The following CDKAL1 variants were observed in gnomAD, a reference collection of about 807,000 sequenced individuals.
CDKAL1 encodes threonylcarbamoyladenosine tRNA methylthiotransferase.
Under a neutral mutation model 68.2 loss-of-function variants are expected in CDKAL1, and 32 were observed. The observed-to-expected ratio is 0.47, with a 90% CI of 0.35 to 0.63. CDKAL1 has a LOEUF of 0.63. Among genes scored for constraint, CDKAL1 ranks in the 30% least tolerant of loss-of-function variants. The pLI is 0.00. For synonymous variants in CDKAL1, 234 were observed against 244.3 expected (o/e 0.96, Z 0.39); for missense variants, 606 against 696.7 (o/e 0.87, Z 1.47).
At chr6:21,156,539 T>C (rs1201608994) in intron 13 of CDKAL1, among the ~76,000 whole-genome samples, 1 of 152,184 alleles carries the variant, frequency 6.6e-6, no homozygotes, top group Non-Finnish European at 1.5e-5. Flanking sequence ...TCTATATTTT[T>C]GAAAATTTCT....
At chr6:20,634,977 C>CAAAAAAAAAAAAAAA (rs142659533) in intron 4 of CDKAL1, among the ~76,000 whole-genome samples, 1 of 99,854 alleles carries the variant, frequency 1.0e-5, no homozygotes, top group Non-Finnish European at 2.0e-5. Context: ...AACCCCGTCT[C>CAAAAAAAAAAAAAAA]AAAAAAAAAA....
intron 13 of CDKAL1, among the ~76,000 whole-genome samples, chr6:21,166,231 AT>A (rs1777146435): frequency 6.6e-6 from 1 of 152,136 alleles, no homozygotes; most frequent in South Asian, 2.1e-4. Flanking sequence ...AGATAACTTC[AT>A]GTAGTTTTTC....
At chr6:20,994,552 T>C (rs1378894967) in intron 10 of CDKAL1, among the ~76,000 whole-genome samples, 9 of 152,184 alleles carry the variant, frequency 5.9e-5, no homozygotes, top group Non-Finnish European at 1.3e-4. Context: ...ATATAATCCA[T>C]GATGGGGCTA....
chr6:20,961,134 G>T (rs909772503), intron 10 of CDKAL1, among the ~76,000 whole-genome samples: 1 of 152,106 alleles, frequency 6.6e-6, no homozygotes, highest in South Asian at 2.1e-4. Context: ...TAAGACACAT[G>T]CATGCATATG....
At chr6:21,175,411 CCT>C (rs1445852993) in intron 13 of CDKAL1, among the ~76,000 whole-genome samples, 1 of 152,150 alleles carries the variant, frequency 6.6e-6, no homozygotes, top group African/African-American at 2.4e-5. Flanking sequence ...GCTGCTCACC[CCT>C]CTTTGTTGAA....
At chr6:20,610,982 G>C (rs1766593972) in intron 4 of CDKAL1, among the ~76,000 whole-genome samples, 1 of 152,102 alleles carries the variant, frequency 6.6e-6, no homozygotes, top group Non-Finnish European at 1.5e-5. Flanking sequence ...ACTAGAATGG[G>C]TCTAAATGTT....
At chr6:20,677,902 AT>A (rs898638920) in intron 5 of CDKAL1, among the ~76,000 whole-genome samples, 2 of 152,130 alleles carry the variant, frequency 1.3e-5, no homozygotes, top group Admixed American at 6.5e-5. Context: ...AGCTGCTTAA[AT>A]TTTTTTATTT....
chr6:20,618,504 A>G (rs1442428744), intron 4 of CDKAL1, among the ~76,000 whole-genome samples: 1 of 152,178 alleles, frequency 6.6e-6, no homozygotes, highest in Non-Finnish European at 1.5e-5. Flanking sequence ...TATGTCCTGA[A>G]TGATATTGCC....
intron 13 of CDKAL1, among the ~76,000 whole-genome samples, chr6:21,114,880 T>G (rs995790110): frequency 2.0e-5 from 3 of 152,240 alleles, no homozygotes; most frequent in African/African-American, 7.2e-5. Context: ...ATTTCAATAA[T>G]CACACTTCCT....
intron 9 of CDKAL1, among the ~76,000 whole-genome samples, chr6:20,868,301 A>T (rs1489942985): frequency 6.6e-6 from 1 of 152,204 alleles, no homozygotes; most frequent in Admixed American, 6.5e-5. Context: ...GACTCCATTG[A>T]TAACACTAAA....
At chr6:20,815,754 C>CAT (rs1312731192) in intron 8 of CDKAL1, among the ~76,000 whole-genome samples, 2 of 152,062 alleles carry the variant, frequency 1.3e-5, no homozygotes, top group African/African-American at 4.8e-5. Context: ...CCAGAGATAA[C>CAT]CACTGTTAAC....
chr6:20,919,700 G>A lies in CDKAL1; in HGVS notation c.743-35719G>A, dbSNP rs1389620991. On this transcript the variant is annotated intron_variant, in intron 9 of 15. Transcript: ENST00000274695. ...TTTGGTATTAGCAATTTATAATCCT[G>A]TACAATGGGCATGATTGGTATTTTT... Among the ~76,000 whole-genome samples the A allele has an allele frequency of 2.0e-5, 3 of 152,240 alleles. No homozygotes were observed. The East Asian group carries it at 5.8e-4, about 29-fold the overall frequency.
intron 2 of CDKAL1, among the ~76,000 whole-genome samples, chr6:20,543,707 A>G (rs1487408565): frequency 6.6e-6 from 1 of 150,736 alleles, no homozygotes; most frequent in African/African-American, 2.4e-5. Context: ...TTTTTTTCTA[A>G]AAGTTTTATA....
At chr6:20,775,361 A>G (rs1775129074) in intron 7 of CDKAL1, among the ~76,000 whole-genome samples, 1 of 152,168 alleles carries the variant, frequency 6.6e-6, no homozygotes, top group African/African-American at 2.4e-5. Flanking sequence ...CACTCAAGCC[A>G]AAAGGCTGAT....
At chr6:20,772,626 A>T (rs1382542207) in intron 7 of CDKAL1, among the ~76,000 whole-genome samples, 1 of 152,242 alleles carries the variant, frequency 6.6e-6, no homozygotes, top group African/African-American at 2.4e-5. Context: ...TATACCATTG[A>T]TAATGTCCAA....
chr6:20,823,241 G>C (rs2150446005), intron 8 of CDKAL1, among the ~76,000 whole-genome samples: 1 of 152,258 alleles, frequency 6.6e-6, no homozygotes, highest in Admixed American at 6.5e-5. Flanking sequence ...TCTGGTTCCA[G>C]TTATGGTTGT....
chr6:20,737,557 A>AG (rs146373703), intron 5 of CDKAL1, among the ~76,000 whole-genome samples: 10,948 of 152,310 alleles, frequency 0.072, 541 homozygotes, highest in African/African-American at 0.14. Context: ...AAGTTCTTGA[A>AG]AAACTTGATG....
At chr6:20,833,871 T>C (rs1321857475) in intron 8 of CDKAL1, among the ~76,000 whole-genome samples, 2 of 152,080 alleles carry the variant, frequency 1.3e-5, no homozygotes, top group African/African-American at 2.4e-5. Context: ...GTAGGAGAGA[T>C]CTCAGGTTGC....
chr6:21,068,389 G>C (rs1368684900), intron 12 of CDKAL1, among the ~76,000 whole-genome samples: 1 of 152,104 alleles, frequency 6.6e-6, no homozygotes, highest in East Asian at 1.9e-4. Flanking sequence ...TTTAATTTAA[G>C]GTATGAGGTG....
Sources: gnomAD v4.1 joint callset for allele counts (sites outside exome capture counted in the v4.1 genomes callset) on GRCh38, gnomAD v4.1.1 for gene constraint, MANE v1.5 for transcripts, NCBI Gene and HGNC (gene_info 2026-07-23, HGNC 2026-07-21) for gene names.